Variants in NDUFA9 observed in about 807,000 individuals in gnomAD.
NDUFA9 encodes the protein NADH dehydrogenase [ubiquinone] 1 alpha subcomplex subunit 9, mitochondrial.
Under a neutral mutation model 45.9 loss-of-function variants are expected in NDUFA9, and 23 were observed. The observed-to-expected ratio is 0.50, with a 90% CI of 0.36 to 0.71. NDUFA9 has a LOEUF of 0.71. Ranked by LOEUF, NDUFA9 falls within the 30% of genes least tolerant of loss-of-function variation. The pLI is 0.00. For missense variants in NDUFA9, 466 were observed against 488.2 expected (o/e 0.95, Z 0.43); for synonymous variants, 176 against 170.5 (o/e 1.03, Z -0.25).
chr12:4,677,471 A>G (rs1405120349), intron 8 of NDUFA9, among the ~76,000 whole-genome samples: 3 of 152,076 alleles, frequency 2.0e-5, no homozygotes, highest in Non-Finnish European at 2.9e-5. Context: ...AACTTCATCA[A>G]AAAGTGAGCG....
chr12:4,665,798 A>C (rs1313050801), intron 6 of NDUFA9, among the ~76,000 whole-genome samples: 1 of 136,194 alleles, frequency 7.3e-6, no homozygotes, highest in Non-Finnish European at 1.6e-5. Flanking sequence ...GTGGTATTTC[A>C]TTGTGTGTGG....
At chr12:4,675,772 T>C (rs910960828) in intron 8 of NDUFA9, among the ~76,000 whole-genome samples, 4 of 152,124 alleles carry the variant, frequency 2.6e-5, no homozygotes, top group African/African-American at 9.7e-5. Flanking sequence ...ACTATTCCAA[T>C]CAATAGAAAA....
intron 9 of NDUFA9, among the ~76,000 whole-genome samples, chr12:4,683,266 T>C (rs1239531177): frequency 1.3e-5 from 2 of 152,108 alleles, no homozygotes; most frequent in Non-Finnish European, 2.9e-5. Context: ...AGGTTTTATA[T>C]TGTCCTGATT....
At chr12:4,666,638 C>T (rs1466627864) in intron 6 of NDUFA9, among the ~76,000 whole-genome samples, 1 of 152,086 alleles carries the variant, frequency 6.6e-6, no homozygotes, top group Non-Finnish European at 1.5e-5. Context: ...TATCTTTCCC[C>T]ATTGAATGGT....
At chr12:4,649,942 C>T (rs549623100) in intron 1 of NDUFA9, among the ~76,000 whole-genome samples, 12 of 152,342 alleles carry the variant, frequency 7.9e-5, no homozygotes, top group Admixed American at 3.3e-4. Flanking sequence ...ATTAGAAATA[C>T]GGTTACACTT....
chr12:4,674,622 A>C (rs1267830672), intron 8 of NDUFA9, among the ~76,000 whole-genome samples: 1 of 152,228 alleles, frequency 6.6e-6, no homozygotes, highest in Non-Finnish European at 1.5e-5. Context: ...AGAGCTAACT[A>C]TCCTGAATAT....
chr12:4,658,240 A>C (rs961737478), intron 4 of NDUFA9, among the ~76,000 whole-genome samples: 9 of 152,196 alleles, frequency 5.9e-5, no homozygotes, highest in African/African-American at 9.7e-5. Flanking sequence ...TGGCGTGAGG[A>C]CTAATTTGAA....
chr12:4,682,071 TTTTTC>T, intron 8 of NDUFA9, 129 bp from the exon 9 acceptor site: 1 of 512,454 alleles, frequency 2.0e-6, no homozygotes, highest in South Asian at 4.0e-5. Context: ...TTATGGGTGA[TTTTTC>T]TTTGTGCTAT....
chr12:4,679,700 G>A (rs533406015), intron 8 of NDUFA9, among the ~76,000 whole-genome samples: 15 of 152,254 alleles, frequency 9.9e-5, no homozygotes, highest in South Asian at 6.2e-4. Context: ...GGAAGTGGAG[G>A]CAACAGTTAG....
intron 8 of NDUFA9, among the ~76,000 whole-genome samples, chr12:4,677,552 C>A (rs571776443): frequency 6.6e-6 from 1 of 152,198 alleles, no homozygotes; most frequent in African/African-American, 2.4e-5. Context: ...AAAAGCTCAT[C>A]GTCACTGGTC....
At chr12:4,669,409 A>C (rs527320426) in intron 7 of NDUFA9, among the ~76,000 whole-genome samples, 3 of 152,354 alleles carry the variant, frequency 2.0e-5, no homozygotes, top group East Asian at 3.9e-4. Context: ...GGCAAAAGCA[A>C]ATCAGAGGGG....
At chr12:4,679,135 A>G (rs901344515) in intron 8 of NDUFA9, among the ~76,000 whole-genome samples, 18 of 152,202 alleles carry the variant, frequency 1.2e-4, no homozygotes, top group African/African-American at 4.3e-4. Context: ...CCTCAAAAAC[A>G]TGGTAAATGA....
Position 4,689,512 on chromosome 12 carries a change from A to C in NDUFA9, c.*2404A>C, listed in dbSNP as rs1946007264. Reference sequence around the variant, plus strand: ...GGAGTGGTGATGACTCTTAACGAGCATGCTGCCTTCAAGCATCTGTTTAAC... The same window carrying C: ...GGAGTGGTGATGACTCTTAACGAGCCTGCTGCCTTCAAGCATCTGTTTAAC... On this transcript the variant is annotated 3_prime_UTR_variant, in exon 11 of 11. Transcript: ENST00000266544. 6.2e-6 allele frequency: 1 copy of C among 160,790 alleles called. No individual in the cohort carries two copies. Among genetic ancestry groups the C allele is most frequent in the Non-Finnish European group, 1.3e-5 (1 of 74,518 alleles). The allele number at this position is 160,790 out of a possible 1,614,324, so 10.0% of individuals were successfully genotyped here.
rs1565575020 is a variant in NDUFA9 at position 4,690,940 on chromosome 12, A to G, written c.*3832A>G. The G allele has an allele frequency of 6.6e-6, 1 of 152,184 alleles. No homozygotes were observed. The highest frequency in any genetic ancestry group is 1.5e-5 in the Non-Finnish European group (1 of 68,028). 9.4% of individuals were successfully genotyped at this position (152,184 alleles called of 1,614,324 possible). A position where few individuals can be genotyped will look rare whatever the true frequency, so the allele number is the denominator to read the frequency against. ...GCTGTGGAAGAGAACAGCATGAGCA[A>G]TTGCAGTGGGGCATGAATGAGTGGG... On this transcript the variant is annotated 3_prime_UTR_variant, in exon 11 of 11. Coordinates refer to ENST00000266544, the MANE Select transcript of NDUFA9 (RefSeq NM_005002.5).
intron 8 of NDUFA9, among the ~76,000 whole-genome samples, chr12:4,670,379 C>A (rs1006455757): frequency 6.6e-6 from 1 of 152,172 alleles, no homozygotes; most frequent in Admixed American, 6.5e-5. Context: ...GCTGAATTAA[C>A]TAAAAGTCAA....
Position 4,687,193 on chromosome 12 carries a change from A to T in NDUFA9, c.*85A>T, listed in dbSNP as rs1591552075. On this transcript the variant is annotated 3_prime_UTR_variant, in exon 11 of 11. Coordinates refer to ENST00000266544, the MANE Select transcript of NDUFA9 (RefSeq NM_005002.5). ...CCCAGCCAGGCGGTCTCTTTAGAGGATCCTGTACACAGTTCCACTATTAAA... is the reference window on the plus strand; with the variant it reads ...CCCAGCCAGGCGGTCTCTTTAGAGGTTCCTGTACACAGTTCCACTATTAAA... 3 of 1,304,514 alleles carry T rather than the reference A, an allele frequency of 2.3e-6. No individual in the cohort carries two copies. The East Asian group carries it at 7.5e-5, about 32-fold the overall frequency. 80.8% of individuals were successfully genotyped at this position (1,304,514 alleles called of 1,614,324 possible). A position where few individuals can be genotyped will look rare whatever the true frequency, so the allele number is the denominator to read the frequency against.
At chr12:4,668,273 A>C (rs896932586) in intron 6 of NDUFA9, among the ~76,000 whole-genome samples, 184 bp from the exon 7 acceptor site, 1 of 152,016 alleles carries the variant, frequency 6.6e-6, no homozygotes. Flanking sequence ...TGGCCTTTTT[A>C]TTTTCCGAGT....
chr12:4,683,493 A>G (rs1945966334), intron 9 of NDUFA9, among the ~76,000 whole-genome samples: 1 of 152,240 alleles, frequency 6.6e-6, no homozygotes, highest in Non-Finnish European at 1.5e-5. Flanking sequence ...TCAGAATGTT[A>G]CAACAAAAAC....
Position 4,678,283 on chromosome 12 carries a change from TA to T in NDUFA9, c.801-3912del, listed in dbSNP as rs543199032. On this transcript the variant is annotated intron_variant, in intron 8 of 10. Transcript: ENST00000266544. ...TGTACCCCAGAAGTTAAAGTATAAT[TA>T]AAAAAAAAATTTCAATTGGTAAAAA... Among the ~76,000 whole-genome samples the T allele has an allele frequency of 9.1e-3, 1,354 of 149,266 alleles. 6 individuals are homozygous for T. The highest frequency in any genetic ancestry group is 0.021 in the Middle Eastern group (6 of 290).
Sources: gnomAD v4.1 joint callset for allele counts (sites outside exome capture counted in the v4.1 genomes callset) on GRCh38, gnomAD v4.1.1 for gene constraint, MANE v1.5 for transcripts, NCBI Gene and HGNC (gene_info 2026-07-23, HGNC 2026-07-21) for gene names.